STIM1: variants seen among roughly 807,000 people sequenced by gnomAD.
The protein encoded by STIM1 is stromal interaction molecule 1.
STIM1 carries 25 observed loss-of-function variants against 74.7 expected under a neutral mutation model. The ratio of observed to expected loss-of-function variants is 0.33; its 90% confidence interval spans 0.24 to 0.47. STIM1 has a LOEUF of 0.47. Ranked by LOEUF, STIM1 falls within the 20% of genes least tolerant of loss-of-function variation. The pLI, the probability that STIM1 is intolerant of heterozygous loss-of-function variation, is 1.00. For synonymous variants in STIM1, 328 were observed against 348.8 expected (o/e 0.94, Z 0.66); for missense variants, 728 against 920.8 (o/e 0.79, Z 2.71).
chr11:3,928,874 T>C (rs1021515201), intron 1 of STIM1, among the ~76,000 whole-genome samples: 1 of 152,214 alleles, frequency 6.6e-6, no homozygotes, highest in Admixed American at 6.5e-5. Context: ...CTTTTCTTTT[T>C]CTTTTTCCTC....
At chr11:3,971,296 G>A (rs1231256634) in intron 2 of STIM1, among the ~76,000 whole-genome samples, 17 of 151,460 alleles carry the variant, frequency 1.1e-4, no homozygotes, top group Admixed American at 1.1e-3. Context: ...TTGGAAGGCC[G>A]AGGCGGGTGG....
chr11:4,044,518 A>G (rs2094175093), intron 3 of STIM1, among the ~76,000 whole-genome samples: 1 of 152,198 alleles, frequency 6.6e-6, no homozygotes, highest in South Asian at 2.1e-4. Flanking sequence ...GCTATCTGAG[A>G]TACAGATGTT....
intron 1 of STIM1, among the ~76,000 whole-genome samples, chr11:3,961,900 C>T (rs1007255828): frequency 6.6e-6 from 1 of 152,198 alleles, no homozygotes; most frequent in Non-Finnish European, 1.5e-5. Flanking sequence ...AGCCTTCATA[C>T]TGGTATCATG....
chr11:3,896,867 C>T (rs750163265), intron 1 of STIM1, among the ~76,000 whole-genome samples: 26 of 152,148 alleles, frequency 1.7e-4, no homozygotes, highest in Non-Finnish European at 2.1e-4. Flanking sequence ...GCTTCCTCAT[C>T]TATAACATGG....
intron 1 of STIM1, among the ~76,000 whole-genome samples, chr11:3,890,416 T>C (rs987310583): frequency 1.3e-5 from 2 of 152,204 alleles, no homozygotes; most frequent in African/African-American, 4.8e-5. Flanking sequence ...TTAAGAACTT[T>C]TCTGTATCAC....
intron 2 of STIM1, among the ~76,000 whole-genome samples, chr11:4,013,822 C>T (rs1364276009): frequency 1.3e-5 from 2 of 150,266 alleles, no homozygotes; most frequent in African/African-American, 4.9e-5. Flanking sequence ...CTCCTGCCTC[C>T]GCCTCCCGAG....
intron 1 of STIM1, chr11:3,922,453 T>G (rs1376974731): frequency 1.3e-5 from 2 of 152,236 alleles, no homozygotes; most frequent in African/African-American, 4.8e-5. Context: ...GCGTTCTTTA[T>G]GTATGCTGGA....
intron 1 of STIM1, among the ~76,000 whole-genome samples, chr11:3,956,899 A>G (rs1430530739): frequency 1.3e-5 from 2 of 149,238 alleles, no homozygotes; most frequent in African/African-American, 4.9e-5. Context: ...GCGAAGATTT[A>G]TTCATTCATT....
chr11:3,997,386 TGGCGTGCACCTGTAGTACCA>T (rs2093672279), intron 2 of STIM1, among the ~76,000 whole-genome samples: 2 of 152,136 alleles, frequency 1.3e-5, no homozygotes, highest in Non-Finnish European at 1.5e-5. Context: ...TGAGGCACAA[TGGCGTGCACCTGTAGTACCA>T]GCTACTTGGG....
At chr11:4,033,660 A>AG (rs1431564815) in intron 3 of STIM1, among the ~76,000 whole-genome samples, 1 of 150,722 alleles carries the variant, frequency 6.6e-6, no homozygotes, top group African/African-American at 2.4e-5. Flanking sequence ...CAGTGGCATG[A>AG]TCTTGGCTCA....
chr11:3,929,098 G>T (rs1055170327), intron 1 of STIM1, among the ~76,000 whole-genome samples: 1 of 152,050 alleles, frequency 6.6e-6, no homozygotes, highest in African/African-American at 2.4e-5. Context: ...TGATCTGCTC[G>T]CCTCAGCCTC....
intron 2 of STIM1, among the ~76,000 whole-genome samples, chr11:3,971,877 G>A (rs2135754729): frequency 6.6e-6 from 1 of 152,280 alleles, no homozygotes. Context: ...AACCGGCCCT[G>A]CTCTCCTAAT....
chr11:4,090,941 C>T (rs577610566), intron 12 of STIM1, among the ~76,000 whole-genome samples: 1 of 150,458 alleles, frequency 6.6e-6, no homozygotes, highest in Non-Finnish European at 1.5e-5. Context: ...TTTTCCCTTT[C>T]TTGTCTTTCT....
At chr11:3,934,146 A>G (rs1279611280) in intron 1 of STIM1, among the ~76,000 whole-genome samples, 1 of 152,094 alleles carries the variant, frequency 6.6e-6, no homozygotes, top group East Asian at 1.9e-4. Flanking sequence ...GGGTCTGTGT[A>G]TAAGGCAGAA....
intron 1 of STIM1, among the ~76,000 whole-genome samples, chr11:3,909,412 G>C (rs2092523062): frequency 1.3e-5 from 2 of 150,158 alleles, no homozygotes; most frequent in Non-Finnish European, 3.0e-5. Context: ...TTGGGGTGAG[G>C]GTCCTGGTGA....
chr11:4,059,174 G>A, intron 4 of STIM1, 107 bp from the exon 5 acceptor site: 1 of 980,430 alleles, frequency 1.0e-6, no homozygotes, highest in South Asian at 1.4e-5. Context: ...GCAGAGGGGA[G>A]CAATCACCAA....
chr11:3,968,422 A>G (rs1268428851), intron 2 of STIM1, among the ~76,000 whole-genome samples: 2 of 152,200 alleles, frequency 1.3e-5, no homozygotes, highest in African/African-American at 4.8e-5. Context: ...GATGGGGGAG[A>G]TATCCCCATT....
intron 1 of STIM1, among the ~76,000 whole-genome samples, chr11:3,906,060 G>A (rs1387093485): frequency 6.6e-6 from 1 of 152,186 alleles, no homozygotes; most frequent in African/African-American, 2.4e-5. Context: ...TCTTACCAGG[G>A]CCCCTGAGGC....
chr11:4,033,483 T>C (rs1357872303), intron 3 of STIM1, among the ~76,000 whole-genome samples: 2 of 152,212 alleles, frequency 1.3e-5, no homozygotes, highest in African/African-American at 4.8e-5. Context: ...ACAGTTTTAC[T>C]TCATTTCCAA....
Sources: gnomAD v4.1 joint callset for allele counts (sites outside exome capture counted in the v4.1 genomes callset) on GRCh38, gnomAD v4.1.1 for gene constraint, MANE v1.5 for transcripts, NCBI Gene and HGNC (gene_info 2026-07-23, HGNC 2026-07-21) for gene names.